ATRNL1: variants seen among roughly 807,000 people sequenced by gnomAD.
The protein encoded by ATRNL1 is attractin-like protein 1.
Under a neutral mutation model 182.7 loss-of-function variants are expected in ATRNL1, and 95 were observed. The observed-to-expected ratio is 0.52, with a 90% CI of 0.44 to 0.62. ATRNL1 has a LOEUF of 0.62. Ranked by LOEUF, ATRNL1 falls within the 20% of genes least tolerant of loss-of-function variation. The pLI is 0.00. For synonymous variants in ATRNL1, 576 were observed against 568.3 expected (o/e 1.01, Z -0.19); for missense variants, 1,471 against 1,679.5 (o/e 0.88, Z 2.17).
chr10:115,828,094 G>A (rs1555092539), intron 27 of ATRNL1, among the ~76,000 whole-genome samples: 2 of 152,120 alleles, frequency 1.3e-5, no homozygotes, highest in Non-Finnish European at 2.9e-5. Flanking sequence ...GAGGTGGGCG[G>A]ATCACCTGAG....
At chr10:115,481,589 CA>C (rs1388285460) in intron 24 of ATRNL1, among the ~76,000 whole-genome samples, 2 of 150,596 alleles carry the variant, frequency 1.3e-5, no homozygotes, top group African/African-American at 2.4e-5. Flanking sequence ...AATTTGACAC[CA>C]GATCCCATTC....
intron 25 of ATRNL1, among the ~76,000 whole-genome samples, chr10:115,547,820 T>G (rs1432652536): frequency 6.6e-6 from 1 of 152,216 alleles, no homozygotes; most frequent in African/African-American, 2.4e-5. Flanking sequence ...TAGAAAATCA[T>G]GGTGACTTTC....
chr10:115,144,642 A>G (rs1214922999), intron 5 of ATRNL1, among the ~76,000 whole-genome samples: 2 of 152,178 alleles, frequency 1.3e-5, no homozygotes, highest in Non-Finnish European at 2.9e-5. Context: ...CAATTTATGG[A>G]GGAACTATTC....
intron 27 of ATRNL1, among the ~76,000 whole-genome samples, chr10:115,751,518 G>C (rs1483171500): frequency 1.3e-5 from 2 of 151,976 alleles, no homozygotes; most frequent in African/African-American, 4.8e-5. Flanking sequence ...GGAGAATTTT[G>C]CTATATTTAC....
At chr10:115,942,028 A>G (rs1164832200) in intron 28 of ATRNL1, among the ~76,000 whole-genome samples, 4 of 152,210 alleles carry the variant, frequency 2.6e-5, no homozygotes, top group Non-Finnish European at 5.9e-5. Context: ...GCAACCCTTA[A>G]AAGGTAAATC....
intron 28 of ATRNL1, among the ~76,000 whole-genome samples, chr10:115,925,773 C>T (rs1375972018): frequency 1.3e-5 from 2 of 152,032 alleles, no homozygotes; most frequent in Admixed American, 6.6e-5. Flanking sequence ...AACAAGCTCT[C>T]AGAAACCTAT....
chr10:115,429,813 A>T (rs1356499079), intron 21 of ATRNL1, among the ~76,000 whole-genome samples: 2 of 152,080 alleles, frequency 1.3e-5, no homozygotes, highest in African/African-American at 2.4e-5. Context: ...CACACCTGTA[A>T]TCCCAGCACT....
intron 12 of ATRNL1, among the ~76,000 whole-genome samples, chr10:115,267,986 C>A (rs977958194): frequency 6.6e-6 from 1 of 152,004 alleles, no homozygotes; most frequent in Non-Finnish European, 1.5e-5. Flanking sequence ...GTCTTGAACT[C>A]CTGACCTCAA....
At chr10:115,643,254 G>A (rs959659981) in intron 26 of ATRNL1, among the ~76,000 whole-genome samples, 23 of 152,064 alleles carry the variant, frequency 1.5e-4, no homozygotes, top group African/African-American at 5.6e-4. Context: ...AATAGTGCTG[G>A]AACAATTGGG....
rs535295980 is a variant in ATRNL1 at position 115,948,517 on chromosome 10, C to T, written c.*3738C>T. 1 of 152,212 alleles carries T rather than the reference C, an allele frequency of 6.6e-6. No homozygotes were observed. Among genetic ancestry groups the T allele is most frequent in the Admixed American group, 6.5e-5 (1 of 15,300 alleles). The allele number at this position is 152,212 out of a possible 1,614,324, so 9.4% of individuals were successfully genotyped here. On this transcript the variant is annotated 3_prime_UTR_variant, in exon 29 of 29. Transcript: ENST00000355044. ...GAATTGCTTGGGTTCAGGCAGATTC[C>T]CACTTTCACCTCTAGAGATTTAGAT...
chr10:115,242,865 C>G (rs990504223), intron 10 of ATRNL1, among the ~76,000 whole-genome samples: 21 of 152,052 alleles, frequency 1.4e-4, no homozygotes, highest in Admixed American at 8.5e-4. Flanking sequence ...AGTGGTAACT[C>G]CTGACGAACA....
At chr10:115,876,856 A>C (rs1327946079) in intron 28 of ATRNL1, among the ~76,000 whole-genome samples, 1 of 152,242 alleles carries the variant, frequency 6.6e-6, no homozygotes, top group South Asian at 2.1e-4. Context: ...AATCAGAGAA[A>C]TGTTGTGACA....
At chr10:115,724,838 C>T (rs550818608) in intron 26 of ATRNL1, among the ~76,000 whole-genome samples, 8 of 152,210 alleles carry the variant, frequency 5.3e-5, no homozygotes, top group African/African-American at 1.7e-4. Flanking sequence ...AAGATAATCA[C>T]GATTTACTCC....
Position 115,429,235 on chromosome 10 carries a change from A to C in ATRNL1, c.3322+2933A>C, listed in dbSNP as rs530940803. 2.6e-5 allele frequency among the ~76,000 whole-genome samples: 4 copies of C among 152,280 alleles called. No individual in the cohort carries two copies. In the South Asian group the frequency reaches 6.2e-4, roughly 24 times the overall value. ...TTCTACTCTTGTTTGATATATAAAA[A>C]TAAAATTCGTTTTAGTATATTGATC... On this transcript the variant is annotated intron_variant, in intron 21 of 28. Transcript: ENST00000355044.
chr10:115,369,290 G>C (rs1202338163), intron 19 of ATRNL1, among the ~76,000 whole-genome samples: 1 of 141,276 alleles, frequency 7.1e-6, no homozygotes, highest in Non-Finnish European at 1.5e-5. Flanking sequence ...CTTTGAAGGG[G>C]ATTGGGGTTC....
chr10:115,713,424 CAAGG>C (rs2134021828), intron 26 of ATRNL1, among the ~76,000 whole-genome samples: 1 of 97,342 alleles, frequency 1.0e-5, no homozygotes, highest in Admixed American at 1.0e-4. Flanking sequence ...AAAAACAAAA[CAAGG>C]AAGAGGGAAA....
intron 24 of ATRNL1, among the ~76,000 whole-genome samples, chr10:115,478,859 TTA>T (rs1254203163): frequency 1.3e-5 from 2 of 151,618 alleles, no homozygotes; most frequent in Non-Finnish European, 3.0e-5. Context: ...TTATTACAAT[TTA>T]TGTTATCAAA....
intron 26 of ATRNL1, among the ~76,000 whole-genome samples, chr10:115,625,327 T>C (rs1399738360): frequency 6.6e-6 from 1 of 152,202 alleles, no homozygotes; most frequent in Non-Finnish European, 1.5e-5. Flanking sequence ...TTTGAGCTGA[T>C]AGAAATTTCT....
intron 27 of ATRNL1, among the ~76,000 whole-genome samples, chr10:115,741,569 A>G (rs782814484): frequency 7.9e-5 from 12 of 152,186 alleles, no homozygotes; most frequent in Non-Finnish European, 1.2e-4. Context: ...GAGTTTTATG[A>G]TTAATTTTAG....
Sources: allele counts gnomAD v4.1 joint callset (sites outside exome capture counted in the v4.1 genomes callset), GRCh38; gene constraint gnomAD v4.1.1; transcripts MANE v1.5; gene names NCBI Gene and HGNC (gene_info 2026-07-23, HGNC 2026-07-21).